The following PIKFYVE variants were observed in gnomAD, a reference collection of about 807,000 sequenced individuals.
The protein encoded by PIKFYVE is phosphoinositide kinase, FYVE-type zinc finger containing.
In PIKFYVE, 122 loss-of-function variants were observed where a neutral mutation model predicts 257.9. The observed-to-expected ratio is 0.47, with a 90% CI of 0.41 to 0.55. The LOEUF (loss-of-function observed/expected upper bound fraction) is 0.55. Among genes scored for constraint, PIKFYVE ranks in the 20% least tolerant of loss-of-function variants. The pLI is 0.00. For missense variants in PIKFYVE, 2,160 were observed against 2,536.6 expected (o/e 0.85, Z 3.19); for synonymous variants, 892 against 868.9 (o/e 1.03, Z -0.47).
intron 5 of PIKFYVE, among the ~76,000 whole-genome samples, chr2:208,281,701 G>A (rs1020990311): frequency 6.6e-6 from 1 of 152,208 alleles, no homozygotes; most frequent in African/African-American, 2.4e-5. Context: ...CTCAAATGAG[G>A]TGGAAAGACT....
At chr2:208,352,298 C>G (rs923818103) in intron 38 of PIKFYVE, among the ~76,000 whole-genome samples, 2 of 152,056 alleles carry the variant, frequency 1.3e-5, no homozygotes, top group African/African-American at 2.4e-5. Flanking sequence ...CAGTGCCCCC[C>G]ACCCCATCCC....
chr2:208,331,176 G>A (rs925981971), intron 23 of PIKFYVE, among the ~76,000 whole-genome samples: 1 of 152,092 alleles, frequency 6.6e-6, no homozygotes, highest in African/African-American at 2.4e-5. Flanking sequence ...AGACCATGTT[G>A]AAATTGATCT....
chr2:208,355,093 T>C, intron 41 of PIKFYVE, 97 bp from the exon 42 acceptor site: 1 of 928,144 alleles, frequency 1.1e-6, no homozygotes, highest in Non-Finnish European at 1.7e-6. Flanking sequence ...ATGTGTATCT[T>C]TATGGCAGTT....
rs768263716 is a variant in PIKFYVE, at chr2:208,330,648, A to G, written c.3917A>G (p.Tyr1306Cys). 4 of 1,614,038 alleles carry G rather than the reference A, an allele frequency of 2.5e-6. No homozygotes were observed. The highest frequency in any genetic ancestry group is 1.7e-5 in the Admixed American group (1 of 60,010). The change falls in exon 23 of 42, where the codon TAT (tyrosine) becomes TGT (cysteine). Residue 1306 changes from tyrosine to cysteine, a missense_variant. This residue lies in a region of PIKFYVE where 55 missense variants were observed against 103.0 expected (regional missense o/e 0.53). Transcript: ENST00000264380. Reference protein sequence around the residue: ...LKELDSPVPGYQHTILTYSWC... With the variant: ...LKELDSPVPGCQHTILTYSWC... ...GAGTTGGATTCTCCAGTACCTGGATATCAGCATACAATTCTTACATATTCC... is the reference window on the plus strand; with the variant it reads ...GAGTTGGATTCTCCAGTACCTGGATGTCAGCATACAATTCTTACATATTCC...
intron 1 of PIKFYVE, among the ~76,000 whole-genome samples, chr2:208,266,942 T>TC (rs1167266885): frequency 6.6e-6 from 1 of 152,228 alleles, no homozygotes; most frequent in East Asian, 1.9e-4. Context: ...GAGCATTATT[T>TC]CCCAATTAGT....
At chr2:208,323,428 A>G (rs1336810754) in intron 17 of PIKFYVE, among the ~76,000 whole-genome samples, 1 of 151,628 alleles carries the variant, frequency 6.6e-6, no homozygotes. Flanking sequence ...CGTCCCTACA[A>G]AGGACATGAA....
chr2:208,329,797 G>C (rs945267757), intron 21 of PIKFYVE, 45 bp from the exon 22 acceptor site: 1 of 1,603,606 alleles, frequency 6.2e-7, no homozygotes, highest in South Asian at 1.1e-5. Flanking sequence ...AATGTCTCTG[G>C]GGCATGGTAA....
At chr2:208,353,769 C>T (rs1423843081) in intron 39 of PIKFYVE, 129 bp from the exon 40 acceptor site, 3 of 1,071,654 alleles carry the variant, frequency 2.8e-6, no homozygotes, top group East Asian at 5.0e-5. Context: ...ATTCAATTTT[C>T]AGTTAAACTT....
intron 5 of PIKFYVE, among the ~76,000 whole-genome samples, chr2:208,279,535 C>T (rs1483006527): frequency 6.6e-6 from 1 of 152,128 alleles, no homozygotes; most frequent in African/African-American, 2.4e-5. Flanking sequence ...AGTTTGAGGT[C>T]TTATATTTAA....
In PIKFYVE at chr2:208,290,160, AC is replaced by A. The variant is rs1396892730; in HGVS notation, c.911+1343del. On this transcript the variant is annotated intron_variant, in intron 7 of 41. Coordinates refer to ENST00000264380, the MANE Select transcript of PIKFYVE (RefSeq NM_015040.4). ...AAGTTAATAGTTAACATTAGAATTC[AC>A]TCTTGGTGTTGAATATTCTATGGAT... is the stretch of plus-strand genomic sequence containing the variant. 9.8e-4 allele frequency among the ~76,000 whole-genome samples: 149 copies of A among 152,024 alleles called. 4 individuals carry two copies. The South Asian group carries it at 0.03, about 31-fold the overall frequency.
intron 14 of PIKFYVE, among the ~76,000 whole-genome samples, chr2:208,314,905 AAAC>A (rs147057138): frequency 0.92 from 138,447 of 149,918 alleles, 64,477 homozygotes; most frequent in Non-Finnish European, 0.98. Context: ...CAGAGAAAAA[AAAC>A]AAAAACAAAA....
rs1574452258 is a variant in PIKFYVE at position 208,285,621 on chromosome 2, A to C, written c.614-105A>C. The stretch of plus-strand genomic sequence containing the variant: ...TGTACTTGAAGACATTTCCGTTATT[A>C]GATGAACTGTTGACCCAAGGAGTTA... On this transcript the variant is annotated intron_variant, in intron 5 of 41. Coordinates refer to ENST00000264380, the MANE Select transcript of PIKFYVE (RefSeq NM_015040.4). 1.2e-5 allele frequency: 11 copies of C among 893,862 alleles called. No individual in the cohort carries two copies. The East Asian group carries it at 2.0e-4, about 16-fold the overall frequency. The allele number at this position is 893,862 out of a possible 1,614,324, so 55.4% of individuals were successfully genotyped here.
chr2:208,324,887 A>G, intron 18 of PIKFYVE, 24 bp from the exon 19 acceptor site: 1 of 1,611,318 alleles, frequency 6.2e-7, no homozygotes, highest in Non-Finnish European at 8.5e-7. Context: ...TAGTTTTGTA[A>G]TACAATGTTT....
At chr2:208,323,091 A>T (rs1359637125) in intron 17 of PIKFYVE, among the ~76,000 whole-genome samples, 3 of 148,174 alleles carry the variant, frequency 2.0e-5, no homozygotes, top group African/African-American at 7.5e-5. Flanking sequence ...TTTTATTTTT[A>T]TTTTATTTTT....
intron 5 of PIKFYVE, among the ~76,000 whole-genome samples, chr2:208,282,401 A>G (rs1193564594): frequency 6.6e-6 from 1 of 152,240 alleles, no homozygotes; most frequent in East Asian, 1.9e-4. Flanking sequence ...CCAGTAGGAT[A>G]CACAAACACA....
At chr2:208,313,003 G>A (rs1695091687) in intron 13 of PIKFYVE, among the ~76,000 whole-genome samples, 1 of 152,210 alleles carries the variant, frequency 6.6e-6, no homozygotes, top group African/African-American at 2.4e-5. Context: ...CCAAGCATCT[G>A]GTTCGGCTAG....
intron 32 of PIKFYVE, among the ~76,000 whole-genome samples, chr2:208,343,833 CTTTT>C (rs10582492): frequency 7.4e-6 from 1 of 135,382 alleles, no homozygotes. Flanking sequence ...AGCTTTTAAA[CTTTT>C]TTTTTTTTTT....
At position 208,320,294 on chromosome 2, in the gene PIKFYVE, T is replaced by A. The variant is rs1198790214; in HGVS notation, c.2125T>A (p.Cys709Ser). 9 of 1,611,964 alleles carry A rather than the reference T, an allele frequency of 5.6e-6. No homozygotes were observed. The highest frequency in any genetic ancestry group is 7.6e-6 in the Non-Finnish European group (9 of 1,178,718). ...AAACCCCAAAATTCTTCTGTTGAAG[T>A]GTTCCATTGAGTATCTCTACAGAGA... The part of the protein sequence containing the change: ...IKNPKILLLK[C>S]SIEYLYREET... The change falls in exon 17 of 42, where the codon TGT (cysteine) becomes AGT (serine). Residue 709 changes from cysteine to serine, a missense_variant. This residue lies in a region of PIKFYVE where 346 missense variants were observed against 365.6 expected (regional missense o/e 0.95). Coordinates refer to ENST00000264380, the MANE Select transcript of PIKFYVE (RefSeq NM_015040.4).
intron 12 of PIKFYVE, among the ~76,000 whole-genome samples, chr2:208,306,144 TAATAAAAAGGAATATGTTATTTAAAAA>T (rs1391201462): frequency 2.6e-5 from 4 of 152,222 alleles, no homozygotes; most frequent in African/African-American, 9.6e-5. Flanking sequence ...AGAGTTATAG[TAATAAAAAGGAATATGTTATTTAAAAA>T]TAAGTAGAGA....
Sources: allele counts gnomAD v4.1 joint callset (sites outside exome capture counted in the v4.1 genomes callset), GRCh38; gene constraint gnomAD v4.1.1; regional missense constraint gnomAD v4.1.1; transcripts MANE v1.5; gene names NCBI Gene and HGNC (gene_info 2026-07-23, HGNC 2026-07-21).